ACSS3: variants seen among roughly 807,000 people sequenced by gnomAD.
The protein encoded by ACSS3 is acyl-CoA synthetase short-chain family member 3, mitochondrial.
ACSS3 carries 64 observed loss-of-function variants against 84.2 expected under a neutral mutation model. The ratio of observed to expected loss-of-function variants is 0.76; its 90% CI spans 0.62 to 0.94. ACSS3 has a LOEUF of 0.94. Ranked by LOEUF, ACSS3 falls within the 40% of genes least tolerant of loss-of-function variation. The pLI is 0.00. For missense variants in ACSS3, 815 were observed against 867.6 expected (o/e 0.94, Z 0.76); for synonymous variants, 317 against 310.1 (o/e 1.02, Z -0.23).
intron 2 of ACSS3, among the ~76,000 whole-genome samples, chr12:81,125,200 C>T (rs981902517): frequency 6.6e-6 from 1 of 151,616 alleles, no homozygotes; most frequent in Non-Finnish European, 1.5e-5. Context: ...GGCAGAAGAG[C>T]GAGACTTCGT....
At chr12:81,223,548 A>G (rs1014856224) in intron 11 of ACSS3, among the ~76,000 whole-genome samples, 1 of 152,024 alleles carries the variant, frequency 6.6e-6, no homozygotes, top group African/African-American at 2.4e-5. Flanking sequence ...TTATAACAGC[A>G]CTATGAGTTA....
At chr12:81,207,908 G>A (rs995025447) in intron 9 of ACSS3, among the ~76,000 whole-genome samples, 3 of 152,142 alleles carry the variant, frequency 2.0e-5, no homozygotes, top group African/African-American at 4.8e-5. Flanking sequence ...CTATAAGGGA[G>A]TAGGATAAGA....
intron 1 of ACSS3, among the ~76,000 whole-genome samples, chr12:81,101,072 G>C (rs1321053898): frequency 6.6e-6 from 1 of 152,090 alleles, no homozygotes; most frequent in African/African-American, 2.4e-5. Context: ...AGCTGCTTGA[G>C]GTTGATTCTG....
chr12:81,123,480 GT>G (rs1025441944), intron 2 of ACSS3, among the ~76,000 whole-genome samples: 1 of 151,720 alleles, frequency 6.6e-6, no homozygotes, highest in African/African-American at 2.4e-5. Flanking sequence ...AATACCACAG[GT>G]TTTTTTTGAA....
At chr12:81,222,635 CAAACAA>C (rs2033147851) in intron 11 of ACSS3, among the ~76,000 whole-genome samples, 1 of 152,044 alleles carries the variant, frequency 6.6e-6, no homozygotes, top group African/African-American at 2.4e-5. Flanking sequence ...TATGTGGAAA[CAAACAA>C]ACAAGTAAAC....
At chr12:81,091,055 T>C (rs1294328139) in intron 1 of ACSS3, among the ~76,000 whole-genome samples, 1 of 152,086 alleles carries the variant, frequency 6.6e-6, no homozygotes, top group Non-Finnish European at 1.5e-5. Flanking sequence ...AATTATTATA[T>C]TGTTATTTAA....
chr12:81,194,291 TTA>T (rs2031722747), intron 8 of ACSS3, among the ~76,000 whole-genome samples: 1 of 151,854 alleles, frequency 6.6e-6, no homozygotes, highest in Non-Finnish European at 1.5e-5. Flanking sequence ...GTTTCATTAA[TTA>T]TATCTTATTC....
Position 81,254,848 on chromosome 12 carries a change from T to C in ACSS3, c.1996-9T>C. 1 of 1,601,744 alleles carries C rather than the reference T, an allele frequency of 6.2e-7. No homozygotes were observed. Among genetic ancestry groups the C allele is most frequent in the Non-Finnish European group, 8.5e-7 (1 of 1,174,730 alleles). ...AAGAGTATTCACCTGACCCTAATTT[T>C]TTTTCCAGATAACTTCTACAATTGA... On this transcript the variant is annotated splice_polypyrimidine_tract_variant and intron_variant, in intron 15 of 15. Coordinates refer to ENST00000548058, the MANE Select transcript of ACSS3 (RefSeq NM_024560.4).
At chr12:81,085,524 C>T (rs1881252054) in intron 1 of ACSS3, among the ~76,000 whole-genome samples, 2 of 152,188 alleles carry the variant, frequency 1.3e-5, no homozygotes, top group Non-Finnish European at 2.9e-5. Flanking sequence ...AATCTTAAGG[C>T]CACACAGCTA....
chr12:81,129,394 C>T (rs1885337192), intron 2 of ACSS3, among the ~76,000 whole-genome samples: 1 of 152,162 alleles, frequency 6.6e-6, no homozygotes, highest in Non-Finnish European at 1.5e-5. Context: ...TGGCAAACCA[C>T]TAGGCTGATC....
intron 7 of ACSS3, among the ~76,000 whole-genome samples, chr12:81,154,363 G>A (rs886525859): frequency 6.6e-6 from 1 of 152,174 alleles, no homozygotes; most frequent in African/African-American, 2.4e-5. Flanking sequence ...GTGATGGAGG[G>A]TTGTTTGTTT....
intron 9 of ACSS3, among the ~76,000 whole-genome samples, chr12:81,203,193 A>G (rs1270000454): frequency 6.6e-6 from 1 of 152,134 alleles, no homozygotes; most frequent in Non-Finnish European, 1.5e-5. Context: ...GGGATAGGAG[A>G]AGAAGAGTGT....
intron 8 of ACSS3, among the ~76,000 whole-genome samples, chr12:81,183,258 G>C (rs1346035676): frequency 6.6e-6 from 1 of 152,086 alleles, no homozygotes; most frequent in Admixed American, 6.6e-5. Flanking sequence ...AGCCTTTGCT[G>C]GTTACAAGAT....
chr12:81,153,372 C>T (rs997160536), intron 7 of ACSS3, among the ~76,000 whole-genome samples: 8 of 149,060 alleles, frequency 5.4e-5, no homozygotes, highest in African/African-American at 1.7e-4. Context: ...CATGCAGCTG[C>T]ACTCCAGCCT....
intron 5 of ACSS3, among the ~76,000 whole-genome samples, chr12:81,150,666 T>G (rs895495584): frequency 6.6e-6 from 1 of 152,088 alleles, no homozygotes; most frequent in African/African-American, 2.4e-5. Context: ...AGAGACCAGG[T>G]GTTGTTACAG....
At chr12:81,139,060 C>A in intron 3 of ACSS3, 71 bp from the exon 4 acceptor site, 1 of 1,483,684 alleles carries the variant, frequency 6.7e-7, no homozygotes. Context: ...TGCCAGTCTG[C>A]AACTAAAATA....
At chr12:81,224,065 G>A (rs987155416) in intron 11 of ACSS3, among the ~76,000 whole-genome samples, 7 of 151,874 alleles carry the variant, frequency 4.6e-5, no homozygotes, top group Non-Finnish European at 1.0e-4. Context: ...TTTAGGAAAG[G>A]GAATTCTCTA....
chr12:81,238,020 T>G (rs1218912658), intron 13 of ACSS3, among the ~76,000 whole-genome samples: 1 of 151,758 alleles, frequency 6.6e-6, no homozygotes, highest in Non-Finnish European at 1.5e-5. Context: ...CACGAAATTG[T>G]GGAAGTTCCC....
intron 10 of ACSS3, among the ~76,000 whole-genome samples, chr12:81,217,612 G>A (rs904427963): frequency 3.9e-5 from 6 of 152,162 alleles, no homozygotes; most frequent in Non-Finnish European, 5.9e-5. Flanking sequence ...GGAGGCCAAG[G>A]CAGACGGATC....
Sources: allele counts gnomAD v4.1 joint callset (sites outside exome capture counted in the v4.1 genomes callset), GRCh38; gene constraint gnomAD v4.1.1; transcripts MANE v1.5; gene names NCBI Gene and HGNC (gene_info 2026-07-23, HGNC 2026-07-21).